The following FRMD4A variants were observed in gnomAD, a reference collection of about 807,000 sequenced individuals.
FRMD4A encodes the protein FERM domain containing 4A, also known as FERM domain-containing protein 4A.
Under a neutral mutation model 129.1 loss-of-function variants are expected in FRMD4A, and 29 were observed. The ratio of observed to expected loss-of-function variants is 0.22; its 90% CI spans 0.17 to 0.31. The LOEUF is 0.31. FRMD4A is among the 10% of genes least tolerant of loss of function. The pLI is 1.00. For synonymous variants in FRMD4A, 634 were observed against 571.6 expected, an observed-to-expected ratio of 1.11 and a Z score of -1.56; for missense variants, 1,272 against 1,375.8, an observed-to-expected ratio of 0.92 and a Z score of 1.19.
chr10:14,238,069 T>C (rs987431258), intron 2 of FRMD4A, among the ~76,000 whole-genome samples: 2 of 152,134 alleles, frequency 1.3e-5, no homozygotes, highest in African/African-American at 4.8e-5. Flanking sequence ...CAGCCACTGC[T>C]CCCCGCTGGA....
At chr10:14,203,033 A>C (rs1423592427) in intron 2 of FRMD4A, among the ~76,000 whole-genome samples, 1 of 152,088 alleles carries the variant, frequency 6.6e-6, no homozygotes, top group Middle Eastern at 3.2e-3. Context: ...TTGGCCTCCC[A>C]AAGTGCTGAG....
intron 3 of FRMD4A, among the ~76,000 whole-genome samples, chr10:13,812,300 A>C (rs115206169): frequency 0.027 from 4,070 of 152,258 alleles, 148 homozygotes; most frequent in African/African-American, 0.086. Flanking sequence ...TTGGGAGACA[A>C]TTAGGTTTAA....
chr10:13,674,105 A>G (rs1257613683), intron 16 of FRMD4A, among the ~76,000 whole-genome samples: 1 of 152,146 alleles, frequency 6.6e-6, no homozygotes, highest in Non-Finnish European at 1.5e-5. Flanking sequence ...CTAAGATTTC[A>G]TTTTTTAAAA....
chr10:14,176,476 T>A (rs1411370871), intron 2 of FRMD4A, among the ~76,000 whole-genome samples: 2 of 143,872 alleles, frequency 1.4e-5, no homozygotes, highest in Non-Finnish European at 3.0e-5. Flanking sequence ...CTTTTTTTTT[T>A]TTTTTTTTTT....
chr10:14,072,314 C>T (rs760490367), intron 2 of FRMD4A, among the ~76,000 whole-genome samples: 1 of 152,054 alleles, frequency 6.6e-6, no homozygotes, highest in Non-Finnish European at 1.5e-5. Flanking sequence ...AGATAATATC[C>T]TCAAAAAGCC....
chr10:14,206,343 AC>A (rs1255876756), intron 2 of FRMD4A, among the ~76,000 whole-genome samples: 2 of 152,148 alleles, frequency 1.3e-5, no homozygotes, highest in African/African-American at 2.4e-5. Context: ...ATAGGTTAAA[AC>A]AAAAAAACGC....
chr10:13,732,030 C>T (rs904261873), intron 12 of FRMD4A, among the ~76,000 whole-genome samples: 1 of 152,122 alleles, frequency 6.6e-6, no homozygotes, highest in Non-Finnish European at 1.5e-5. Context: ...CAGCAGCTTG[C>T]ATTGAGGGCT....
chr10:14,145,500 G>A (rs570050278), intron 2 of FRMD4A, among the ~76,000 whole-genome samples: 4 of 152,212 alleles, frequency 2.6e-5, no homozygotes, highest in South Asian at 2.1e-4. Flanking sequence ...GTGAATGGGC[G>A]ATAATCACAC....
At chr10:14,015,826 T>G (rs1319991817) in intron 2 of FRMD4A, among the ~76,000 whole-genome samples, 1 of 152,186 alleles carries the variant, frequency 6.6e-6, no homozygotes, top group Non-Finnish European at 1.5e-5. Flanking sequence ...AAATATATAA[T>G]TTAGTTAGTT....
chr10:13,693,685 CTT>C (rs200663128), intron 15 of FRMD4A: 20,052 of 570,020 alleles, frequency 0.035, no homozygotes, highest in East Asian at 0.05. Flanking sequence ...TCTACTGATG[CTT>C]TTTTTTTTTT....
intron 2 of FRMD4A, among the ~76,000 whole-genome samples, chr10:14,327,649 G>T (rs904626855): frequency 6.6e-6 from 1 of 152,106 alleles, no homozygotes; most frequent in African/African-American, 2.4e-5. Flanking sequence ...GTAACCTCTG[G>T]GTGTCTCCTT....
intron 15 of FRMD4A, chr10:13,684,667 T>C: frequency 1.0e-6 from 1 of 985,260 alleles, no homozygotes; most frequent in Non-Finnish European, 1.2e-6. Context: ...AGGAGGACGT[T>C]GTCAGGAGCC....
chr10:13,900,161 G>T (rs955669035), intron 2 of FRMD4A, among the ~76,000 whole-genome samples: 2 of 152,100 alleles, frequency 1.3e-5, no homozygotes, highest in Non-Finnish European at 2.9e-5. Flanking sequence ...AATCAAAAAG[G>T]GATAATTCCG....
intron 2 of FRMD4A, among the ~76,000 whole-genome samples, chr10:14,219,747 G>A (rs926173516): frequency 6.6e-6 from 1 of 152,172 alleles, no homozygotes; most frequent in Non-Finnish European, 1.5e-5. Context: ...CAAGCTGGGA[G>A]GCTGCCTGTG....
At chr10:13,916,326 C>T (rs1333002355) in intron 2 of FRMD4A, among the ~76,000 whole-genome samples, 3 of 152,158 alleles carry the variant, frequency 2.0e-5, no homozygotes, top group Non-Finnish European at 2.9e-5. Context: ...CCTCACACTC[C>T]GAGGATCCTG....
chr10:14,314,307 A>G lies in FRMD4A; in HGVS notation c.45+15751T>C, dbSNP rs374655572. On this transcript the variant is annotated intron_variant, in intron 2 of 24. Coordinates refer to ENST00000357447, the MANE Select transcript of FRMD4A (RefSeq NM_018027.5). ...ACCTCACCTCTCCATGGCTGGCACC[A>G]GTGAGCTGGCATGGTGGAAGTCAGG... 5.1e-4 allele frequency among the ~76,000 whole-genome samples: 77 copies of G among 152,236 alleles called. 1 individual carries two copies. The highest frequency in any genetic ancestry group is 1.7e-3 in the African/African-American group (71 of 41,552).
At chr10:13,748,237 G>A (rs1320698407) in intron 8 of FRMD4A, among the ~76,000 whole-genome samples, 2 of 152,178 alleles carry the variant, frequency 1.3e-5, no homozygotes, top group Admixed American at 1.3e-4. Context: ...CCGAGAATGG[G>A]CAATGGCGCC....
chr10:13,757,867 C>A lies in FRMD4A; in HGVS notation c.464+3780G>T, dbSNP rs183171498. On this transcript the variant is annotated intron_variant, in intron 8 of 24. Transcript: ENST00000357447. ...CAAGCAATTCTCCTGCCTCAGCCTC[C>A]CGAGTATCTGGGATTACAGGCGCAC... 2.8e-3 allele frequency among the ~76,000 whole-genome samples: 425 copies of A among 152,322 alleles called. 4 individuals carry two copies. Among genetic ancestry groups the A allele is most frequent in the Middle Eastern group, 0.01 (3 of 294 alleles).
intron 2 of FRMD4A, among the ~76,000 whole-genome samples, chr10:13,934,950 G>A (rs1462519038): frequency 6.6e-6 from 1 of 152,134 alleles, no homozygotes. Flanking sequence ...GCCTCTGTCT[G>A]CTTCATAAAT....
Sources: allele counts gnomAD v4.1 joint callset (sites outside exome capture counted in the v4.1 genomes callset), GRCh38; gene constraint gnomAD v4.1.1; transcripts MANE v1.5; gene names NCBI Gene and HGNC (gene_info 2026-07-23, HGNC 2026-07-21).